Variants in DSCAM observed in about 807,000 individuals in gnomAD.
DSCAM encodes the protein cell adhesion molecule DSCAM.
In DSCAM, 47 loss-of-function variants were observed where a neutral mutation model predicts 217.7. The ratio of observed to expected loss-of-function variants is 0.22; its 90% CI spans 0.17 to 0.28. DSCAM has a LOEUF of 0.28. Among genes scored for constraint, DSCAM ranks in the 10% least tolerant of loss-of-function variants. DSCAM has a pLI of 1.00. For synonymous variants in DSCAM, 1,056 were observed against 1,015.3 expected (o/e 1.04, Z -0.76); for missense variants, 2,080 against 2,618.3 (o/e 0.79, Z 4.49).
At chr21:40,653,621 C>T (rs1568964829) in intron 3 of DSCAM, among the ~76,000 whole-genome samples, 1 of 152,136 alleles carries the variant, frequency 6.6e-6, no homozygotes. Context: ...CCAGGTTAGA[C>T]TCCTAAACAC....
At chr21:40,103,822 TTA>T (rs1281764540) in intron 20 of DSCAM, among the ~76,000 whole-genome samples, 3 of 150,650 alleles carry the variant, frequency 2.0e-5, no homozygotes, top group Non-Finnish European at 4.4e-5. Flanking sequence ...ATAGATACCA[TTA>T]TATATATGTC....
At chr21:40,406,020 T>C (rs2075276801) in intron 3 of DSCAM, among the ~76,000 whole-genome samples, 1 of 152,084 alleles carries the variant, frequency 6.6e-6, no homozygotes. Context: ...AAAGATGATA[T>C]ATAAATGGCC....
intron 20 of DSCAM, among the ~76,000 whole-genome samples, chr21:40,113,029 C>G (rs2089920244): frequency 6.6e-6 from 1 of 152,064 alleles, no homozygotes; most frequent in African/African-American, 2.4e-5. Context: ...CTATTCCAAT[C>G]AATAGAAAAA....
intron 9 of DSCAM, among the ~76,000 whole-genome samples, chr21:40,303,578 C>T (rs981656457): frequency 6.6e-6 from 1 of 152,122 alleles, no homozygotes; most frequent in Non-Finnish European, 1.5e-5. Context: ...AGACTTTGAA[C>T]CTTAATGGGC....
At chr21:40,134,560 G>C (rs2090187748) in intron 18 of DSCAM, among the ~76,000 whole-genome samples, 1 of 152,218 alleles carries the variant, frequency 6.6e-6, no homozygotes, top group Non-Finnish European at 1.5e-5. Flanking sequence ...CTATAAGACA[G>C]TGTCTTTAAC....
intron 27 of DSCAM, among the ~76,000 whole-genome samples, chr21:40,070,116 C>T (rs928301441): frequency 2.0e-5 from 3 of 151,408 alleles, no homozygotes; most frequent in Non-Finnish European, 2.9e-5. Context: ...ATTCAGTTTG[C>T]CATAACAAGT....
intron 3 of DSCAM, among the ~76,000 whole-genome samples, chr21:40,440,357 T>G (rs1219861235): frequency 6.6e-6 from 1 of 151,892 alleles, no homozygotes; most frequent in African/African-American, 2.4e-5. Flanking sequence ...TGGCAGGACC[T>G]ATACCACATG....
At chr21:40,479,833 T>A (rs192612383) in intron 3 of DSCAM, among the ~76,000 whole-genome samples, 51 of 152,260 alleles carry the variant, frequency 3.3e-4, no homozygotes, top group Admixed American at 2.9e-3. Context: ...AAAATGAATA[T>A]CCTAGCAGTG....
chr21:40,194,501 C>T (rs1207612033), intron 11 of DSCAM, among the ~76,000 whole-genome samples: 2 of 152,142 alleles, frequency 1.3e-5, no homozygotes, highest in Non-Finnish European at 1.5e-5. Context: ...GTGGGCAAAC[C>T]CTGCTAGCAG....
chr21:40,677,861 T>G (rs951367083), intron 3 of DSCAM, among the ~76,000 whole-genome samples: 1 of 152,128 alleles, frequency 6.6e-6, no homozygotes, highest in Non-Finnish European at 1.5e-5. Context: ...TCTACCCACC[T>G]CCTTGATCTT....
At chr21:40,683,441 AAAAG>A (rs995505245) in intron 3 of DSCAM, among the ~76,000 whole-genome samples, 11 of 152,326 alleles carry the variant, frequency 7.2e-5, no homozygotes, top group African/African-American at 2.6e-4. Context: ...AGAGAAAGAA[AAAAG>A]AAAGAAGGAA....
At chr21:40,500,996 G>T (rs1046482221) in intron 3 of DSCAM, among the ~76,000 whole-genome samples, 12 of 152,126 alleles carry the variant, frequency 7.9e-5, no homozygotes, top group African/African-American at 2.9e-4. Context: ...AGCTCAAAGA[G>T]AATTTCATTG....
At chr21:40,656,330 C>T (rs530614320) in intron 3 of DSCAM, among the ~76,000 whole-genome samples, 19 of 152,280 alleles carry the variant, frequency 1.2e-4, no homozygotes, top group African/African-American at 4.6e-4. Context: ...CCAGCCCCTT[C>T]AAAATCCTAA....
At chr21:40,398,830 T>C (rs1297443352) in intron 3 of DSCAM, among the ~76,000 whole-genome samples, 1 of 152,076 alleles carries the variant, frequency 6.6e-6, no homozygotes, top group East Asian at 1.9e-4. Flanking sequence ...GGACGGGATC[T>C]GCCCACCTCT....
At chr21:40,513,183 G>C (rs1389828453) in intron 3 of DSCAM, 1 of 152,066 alleles carries the variant, frequency 6.6e-6, no homozygotes, top group African/African-American at 2.4e-5. Flanking sequence ...TTCTTACATC[G>C]ACTGCATAGA....
chr21:40,678,158 C>G (rs1008141345), intron 3 of DSCAM, among the ~76,000 whole-genome samples: 1 of 152,082 alleles, frequency 6.6e-6, no homozygotes, highest in African/African-American at 2.4e-5. Context: ...AAAAATAAGT[C>G]TTTGTAATTC....
Position 40,012,965 on chromosome 21 carries a change from TAA to T in DSCAM, c.*67_*68del, listed in dbSNP as rs1043986664. The stretch of plus-strand genomic sequence containing the variant: ...TTTAATTATAAATATTGGAATTCCG[TAA>T]AAAAAAGGTAGCTTTGATTGAATTG... On this transcript the variant is annotated 3_prime_UTR_variant, in exon 33 of 33. Coordinates refer to ENST00000400454, the MANE Select transcript of DSCAM (RefSeq NM_001389.5). 8.6e-7 allele frequency: 1 copy of T among 1,160,596 alleles called. No homozygotes were observed. The highest frequency in any genetic ancestry group is 1.1e-6 in the Non-Finnish European group (1 of 886,148). The allele number at this position is 1,160,596 out of a possible 1,614,324, so 71.9% of individuals were successfully genotyped here.
At chr21:40,526,890 G>C (rs73902664) in intron 3 of DSCAM, among the ~76,000 whole-genome samples, 71 of 152,200 alleles carry the variant, frequency 4.7e-4, no homozygotes, top group African/African-American at 1.4e-3. Context: ...TGGCAGGGGA[G>C]CTATTTCTAA....
intron 3 of DSCAM, among the ~76,000 whole-genome samples, chr21:40,677,988 CT>C (rs906908750): frequency 4.6e-5 from 7 of 151,000 alleles, no homozygotes; most frequent in South Asian, 4.2e-4. Context: ...ATATATAATA[CT>C]TTTTTTTCAG....
Sources: allele counts gnomAD v4.1 joint callset (sites outside exome capture counted in the v4.1 genomes callset), GRCh38; gene constraint gnomAD v4.1.1; transcripts MANE v1.5; gene names NCBI Gene and HGNC (gene_info 2026-07-23, HGNC 2026-07-21).